The following AAK1 variants were observed in gnomAD, a reference collection of about 807,000 sequenced individuals.
The protein encoded by AAK1 is AP2 associated kinase 1.
In AAK1, 37 loss-of-function variants were observed where a neutral mutation model predicts 116.0. The observed-to-expected ratio is 0.32, with a 90% CI of 0.25 to 0.42. The LOEUF is 0.42. Among genes scored for constraint, AAK1 ranks in the 10% least tolerant of loss-of-function variants. The probability of loss-of-function intolerance (pLI) is 1.00; values close to 1 mark genes in which losing one functional copy is unlikely to be tolerated. For synonymous variants in AAK1, 458 were observed against 439.9 expected, an observed-to-expected ratio of 1.04 and a Z score of -0.51; for missense variants, 919 against 1,170.6, an observed-to-expected ratio of 0.79 and a Z score of 3.14.
intron 17 of AAK1, among the ~76,000 whole-genome samples, chr2:69,487,375 T>A (rs1008705867): frequency 2.0e-5 from 3 of 152,178 alleles, no homozygotes; most frequent in Non-Finnish European, 4.4e-5. Context: ...AAGCCAAGTA[T>A]CATGATGGGG....
chr2:69,531,024 T>C (rs1368844996), intron 6 of AAK1, among the ~76,000 whole-genome samples: 1 of 152,182 alleles, frequency 6.6e-6, no homozygotes, highest in African/African-American at 2.4e-5. Flanking sequence ...CTTATACTGA[T>C]ACTATATTTT....
At position 69,473,870 on chromosome 2, in the gene AAK1, T is replaced by C. The variant is rs1436894758; in HGVS notation, c.*1999A>G. ...ATTCTGACCTGCAGCAATTTTCCTG[T>C]CCATAAAGGGGTAAACCAAGTCCTA... On this transcript the variant is annotated 3_prime_UTR_variant, in exon 22 of 22. Coordinates refer to ENST00000409085, the MANE Select transcript of AAK1 (RefSeq NM_014911.5). 1.0e-6 allele frequency: 1 copy of C among 985,738 alleles called. No homozygotes were observed. The highest frequency in any genetic ancestry group is 1.2e-6 in the Non-Finnish European group (1 of 829,936). 61.1% of individuals were successfully genotyped at this position (985,738 alleles called of 1,614,324 possible).
chr2:69,499,488 A>G (rs535079559), intron 16 of AAK1, among the ~76,000 whole-genome samples: 5 of 152,308 alleles, frequency 3.3e-5, no homozygotes, highest in African/African-American at 9.6e-5. Flanking sequence ...TAGAATGAGC[A>G]CCACTGCAAT....
intron 16 of AAK1, among the ~76,000 whole-genome samples, chr2:69,500,990 T>C (rs1299832122): frequency 6.6e-6 from 1 of 152,050 alleles, no homozygotes; most frequent in East Asian, 1.9e-4. Context: ...CACGTCTGTA[T>C]GGAGCCAAAC....
intron 16 of AAK1, among the ~76,000 whole-genome samples, chr2:69,503,181 TAAG>T (rs1421957540): frequency 6.6e-6 from 1 of 152,110 alleles, no homozygotes; most frequent in Non-Finnish European, 1.5e-5. Context: ...ATCCAGATAA[TAAG>T]AATAAGAGAG....
intron 8 of AAK1, 51 bp from the exon 9 acceptor site, chr2:69,527,370 T>C: frequency 8.2e-7 from 1 of 1,225,278 alleles, no homozygotes; most frequent in South Asian, 1.3e-5. Flanking sequence ...GTTATTACAC[T>C]AGCTAGGAAG....
chr2:69,593,259 T>C (rs1201694866), intron 2 of AAK1, among the ~76,000 whole-genome samples: 1 of 152,184 alleles, frequency 6.6e-6, no homozygotes, highest in African/African-American at 2.4e-5. Flanking sequence ...CCTAAATATT[T>C]AGCACTAGGA....
intron 2 of AAK1, among the ~76,000 whole-genome samples, chr2:69,588,220 A>G (rs147154771): frequency 3.3e-5 from 5 of 152,332 alleles, no homozygotes; most frequent in African/African-American, 1.2e-4. Context: ...GTGAGACAGC[A>G]TCATAAAGCA....
chr2:69,556,838 C>G, intron 3 of AAK1, 22 bp downstream of exon 3: 1 of 1,578,734 alleles, frequency 6.3e-7, no homozygotes, highest in Non-Finnish European at 8.7e-7. Flanking sequence ...TAAACAGTCC[C>G]AAGTCCAAGG....
At chr2:69,532,799 T>C (rs1164558859) in intron 5 of AAK1, among the ~76,000 whole-genome samples, 2 of 152,226 alleles carry the variant, frequency 1.3e-5, no homozygotes, top group Non-Finnish European at 2.9e-5. Context: ...TGGGGATAAA[T>C]GGGCAGTTTT....
intron 2 of AAK1, among the ~76,000 whole-genome samples, chr2:69,572,830 C>A (rs567815141): frequency 3.7e-4 from 57 of 152,184 alleles, no homozygotes; most frequent in African/African-American, 1.3e-3. Flanking sequence ...GAGGTCAAGA[C>A]ATTCCTCCGG....
chr2:69,553,954 A>G (rs188964919), intron 3 of AAK1, among the ~76,000 whole-genome samples: 3 of 151,788 alleles, frequency 2.0e-5, no homozygotes, highest in South Asian at 2.1e-4. Context: ...GCATGTGCCT[A>G]TAGTCCCAGC....
intron 2 of AAK1, among the ~76,000 whole-genome samples, chr2:69,604,724 C>T (rs1483933015): frequency 6.6e-6 from 1 of 152,090 alleles, no homozygotes; most frequent in Non-Finnish European, 1.5e-5. Context: ...TCCAGTGGGG[C>T]TGCACCTTAG....
intron 4 of AAK1, 67 bp downstream of exon 4, chr2:69,544,369 C>T (rs751914052): frequency 4.6e-6 from 6 of 1,297,212 alleles, no homozygotes; most frequent in South Asian, 3.7e-5. Context: ...AGTGAAATGA[C>T]CACCCTAACC....
chr2:69,564,745 T>C (rs941852395), intron 2 of AAK1, among the ~76,000 whole-genome samples: 4 of 152,166 alleles, frequency 2.6e-5, no homozygotes, highest in African/African-American at 9.7e-5. Flanking sequence ...AAAGCCCTTC[T>C]TCTGACATGC....
chr2:69,616,063 C>T (rs1674314798), intron 2 of AAK1, among the ~76,000 whole-genome samples: 1 of 152,196 alleles, frequency 6.6e-6, no homozygotes, highest in Non-Finnish European at 1.5e-5. Flanking sequence ...CGGCAAAACC[C>T]TGTCTGTACT....
intron 4 of AAK1, among the ~76,000 whole-genome samples, chr2:69,543,299 T>C (rs1361044363): frequency 6.6e-6 from 1 of 152,208 alleles, no homozygotes; most frequent in Non-Finnish European, 1.5e-5. Context: ...AACGGTCAAG[T>C]TCAAATTTGT....
At chr2:69,597,092 AAAC>A (rs1406658383) in intron 2 of AAK1, among the ~76,000 whole-genome samples, 3 of 152,148 alleles carry the variant, frequency 2.0e-5, no homozygotes, top group Non-Finnish European at 2.9e-5. Flanking sequence ...GGAACACACA[AAAC>A]AACAAAAAAT....
chr2:69,544,372 C>A (rs757532127), intron 4 of AAK1, 64 bp downstream of exon 4: 3 of 1,344,140 alleles, frequency 2.2e-6, no homozygotes, highest in Admixed American at 1.8e-5. Context: ...GAAATGACCA[C>A]CCTAACCATG....
Sources: gnomAD v4.1 joint callset for allele counts (sites outside exome capture counted in the v4.1 genomes callset) on GRCh38, gnomAD v4.1.1 for gene constraint, MANE v1.5 for transcripts, NCBI Gene and HGNC (gene_info 2026-07-23, HGNC 2026-07-21) for gene names.